RBFOX1: variants seen among roughly 807,000 people sequenced by gnomAD.
RBFOX1 encodes RNA binding protein fox-1 homolog 1.
RBFOX1 carries 8 observed loss-of-function variants against 57.7 expected under a neutral mutation model. The observed-to-expected ratio is 0.14, with a 90% CI of 0.08 to 0.25. The LOEUF is 0.25. Ranked by LOEUF, RBFOX1 falls within the 10% of genes least tolerant of loss-of-function variation. RBFOX1 has a pLI of 1.00. For synonymous variants in RBFOX1, 326 were observed against 222.4 expected (o/e 1.47, Z -4.15); for missense variants, 611 against 548.5 (o/e 1.11, Z -1.14).
chr16:6,567,471 G>C (rs937278618), intron 2 of RBFOX1, among the ~76,000 whole-genome samples: 1 of 152,126 alleles, frequency 6.6e-6, no homozygotes, highest in African/African-American at 2.4e-5. Flanking sequence ...TCATGAGAGA[G>C]GCCTTTCTTG....
At chr16:6,659,041 C>G (rs1381620270) in intron 3 of RBFOX1, among the ~76,000 whole-genome samples, 1 of 151,454 alleles carries the variant, frequency 6.6e-6, no homozygotes, top group East Asian at 1.9e-4. Context: ...GGCTGTATGG[C>G]CTCACAAAAC....
At chr16:7,567,588 T>C (rs867136603) in intron 5 of RBFOX1, among the ~76,000 whole-genome samples, 1 of 94,048 alleles carries the variant, frequency 1.1e-5, no homozygotes, top group African/African-American at 3.4e-5. Flanking sequence ...TCCCTATATA[T>C]GGCCCTATAT....
At chr16:5,622,577 T>C (rs2048230909) in intron 3 of RBFOX1, among the ~76,000 whole-genome samples, 1 of 152,254 alleles carries the variant, frequency 6.6e-6, no homozygotes, top group African/African-American at 2.4e-5. Context: ...TCCATTTATT[T>C]GCTTAGACCA....
At chr16:5,356,503 C>A (rs1299597773) in intron 1 of RBFOX1, among the ~76,000 whole-genome samples, 1 of 152,178 alleles carries the variant, frequency 6.6e-6, no homozygotes, top group Non-Finnish European at 1.5e-5. Context: ...GTGCCCTGCC[C>A]TGTGCTTTGG....
intron 4 of RBFOX1, among the ~76,000 whole-genome samples, chr16:7,073,192 C>G (rs1299958315): frequency 6.6e-6 from 1 of 152,144 alleles, no homozygotes; most frequent in Non-Finnish European, 1.5e-5. Context: ...TCTTTGTAGT[C>G]TGTGATCAAC....
intron 2 of RBFOX1, among the ~76,000 whole-genome samples, chr16:6,618,395 G>A (rs8062864): frequency 0.32 from 48,502 of 152,066 alleles, 8,125 homozygotes; most frequent in African/African-American, 0.39. Flanking sequence ...GGTAGGGACT[G>A]TCATTATTTA....
intron 4 of RBFOX1, among the ~76,000 whole-genome samples, chr16:7,351,020 G>T (rs2097121345): frequency 6.6e-6 from 1 of 152,234 alleles, no homozygotes; most frequent in East Asian, 1.9e-4. Flanking sequence ...GGTGTGCCAT[G>T]TGCCCATGGA....
intron 2 of RBFOX1, among the ~76,000 whole-genome samples, chr16:5,568,199 C>G (rs1328122294): frequency 2.6e-5 from 4 of 152,196 alleles, no homozygotes; most frequent in African/African-American, 7.2e-5. Flanking sequence ...CGAATCCCCA[C>G]CACACTGCAC....
At position 5,342,580 on chromosome 16, in the gene RBFOX1, T is replaced by G. The variant is rs532642329; in HGVS notation, c.219+102475T>G. On this transcript the variant is annotated intron_variant, in intron 1 of 2. Transcript: ENST00000585867. ...CATGTAGAACTTTTAGCTCGGGCCA[T>G]GAAACAGGGAAAGGACTCAAAAATG... Among the ~76,000 whole-genome samples the G allele has an allele frequency of 3.5e-3, 540 of 152,278 alleles. 2 individuals carry two copies. Among genetic ancestry groups the G allele is most frequent in the African/African-American group, 0.013 (521 of 41,568 alleles).
chr16:5,660,801 G>A lies in RBFOX1; in HGVS notation c.318+61840G>A, dbSNP rs141368412. Among the ~76,000 whole-genome samples, 756 of 152,240 alleles carry A rather than the reference G, an allele frequency of 5.0e-3. 4 individuals are homozygous for A. The highest frequency in any genetic ancestry group is 6.8e-3 in the Middle Eastern group (2 of 294). ...GGTGAGCTGAAGCAGGCGGAGTGGT[G>A]AATGAGGGCGAAGAGTAGACAGGAA... On this transcript the variant is annotated intron_variant, in intron 3 of 19. Coordinates refer to the RBFOX1 transcript ENST00000641259.
intron 3 of RBFOX1, among the ~76,000 whole-genome samples, chr16:7,010,323 A>G (rs1244065949): frequency 6.6e-6 from 1 of 152,224 alleles, no homozygotes; most frequent in African/African-American, 2.4e-5. Context: ...AAGAACTTAC[A>G]TTGTGAGCAT....
intron 2 of RBFOX1, among the ~76,000 whole-genome samples, chr16:6,369,069 G>T (rs1488980273): frequency 6.6e-6 from 1 of 152,046 alleles, no homozygotes; most frequent in Non-Finnish European, 1.5e-5. Flanking sequence ...ATATTTCTTA[G>T]GGATATATGT....
intron 2 of RBFOX1, among the ~76,000 whole-genome samples, chr16:6,600,985 C>T (rs2097846137): frequency 6.6e-6 from 1 of 152,086 alleles, no homozygotes; most frequent in Admixed American, 6.5e-5. Flanking sequence ...TGATTATAGT[C>T]AGAGCTGCAG....
intron 1 of RBFOX1, among the ~76,000 whole-genome samples, chr16:6,275,617 A>G (rs1033887584): frequency 6.6e-6 from 1 of 152,212 alleles, no homozygotes; most frequent in Non-Finnish European, 1.5e-5. Context: ...CCTAAAGTCT[A>G]TATTTATTTC....
At chr16:7,576,089 A>T (rs923972757) in intron 5 of RBFOX1, among the ~76,000 whole-genome samples, 9 of 132,654 alleles carry the variant, frequency 6.8e-5, no homozygotes, top group African/African-American at 2.7e-4. Context: ...CATGGCCATG[A>T]TCAGCTATTT....
At chr16:7,068,464 ACTT>A (rs1164884379) in intron 4 of RBFOX1, among the ~76,000 whole-genome samples, 2 of 152,088 alleles carry the variant, frequency 1.3e-5, no homozygotes, top group African/African-American at 2.4e-5. Flanking sequence ...TGCCTTTTGA[ACTT>A]CTTCTTTTGC....
intron 1 of RBFOX1, among the ~76,000 whole-genome samples, chr16:5,408,355 T>C (rs1459025216): frequency 1.3e-5 from 2 of 152,166 alleles, no homozygotes; most frequent in African/African-American, 4.8e-5. Context: ...ATACATTCCT[T>C]TTTTTATTGT....
intron 4 of RBFOX1, among the ~76,000 whole-genome samples, chr16:7,060,309 T>G (rs1444951230): frequency 6.6e-6 from 1 of 152,170 alleles, no homozygotes; most frequent in Non-Finnish European, 1.5e-5. Flanking sequence ...CCCCTGCTGG[T>G]GACTGAAATG....
At chr16:6,632,810 A>G (rs1567965642) in intron 2 of RBFOX1, among the ~76,000 whole-genome samples, 1 of 152,194 alleles carries the variant, frequency 6.6e-6, no homozygotes, top group Non-Finnish European at 1.5e-5. Context: ...TCTTCTTTTC[A>G]TTATATTTGC....
Sources: allele counts gnomAD v4.1 joint callset (sites outside exome capture counted in the v4.1 genomes callset), GRCh38; gene constraint gnomAD v4.1.1; transcripts MANE v1.5; gene names NCBI Gene and HGNC (gene_info 2026-07-23, HGNC 2026-07-21).